The following ASIC2 variants were observed in gnomAD, a reference collection of about 807,000 sequenced individuals.
ASIC2 encodes acid-sensing ion channel 2.
A neutral mutation model predicts 57.3 loss-of-function variants in ASIC2; 25 were observed. That is an observed-to-expected ratio of 0.44 (90% CI 0.32 to 0.61). The LOEUF is 0.61. ASIC2 is among the 20% of genes least tolerant of loss of function. The probability of loss-of-function intolerance (pLI) is 0.06; values close to 1 mark genes in which losing one functional copy is unlikely to be tolerated. For synonymous variants in ASIC2, 319 were observed against 307.5 expected (o/e 1.04, Z -0.39); for missense variants, 641 against 738.1 (o/e 0.87, Z 1.52).
At position 33,917,100 on chromosome 17, in the gene ASIC2, C is replaced by T. The variant is rs542491515; in HGVS notation, c.555+238878G>A. Among the ~76,000 whole-genome samples the T allele has an allele frequency of 2.0e-5, 3 of 152,290 alleles. No individual in the cohort carries two copies. The East Asian group carries it at 5.8e-4, about 29-fold the overall frequency. On this transcript the variant is annotated intron_variant, in intron 1 of 9. Transcript: ENST00000359872. Reference sequence around the variant, plus strand: ...CTTGACTTGGGCTGTTTGCATCGCTCCTCCTGCCTTTCTAATCACATATTC... The same window carrying T: ...CTTGACTTGGGCTGTTTGCATCGCTTCTCCTGCCTTTCTAATCACATATTC...
chr17:33,952,392 G>A (rs999036853), intron 1 of ASIC2, among the ~76,000 whole-genome samples: 1 of 152,148 alleles, frequency 6.6e-6, no homozygotes, highest in Admixed American at 6.5e-5. Context: ...CCTAGGCAAG[G>A]TACTTCGCTG....
intron 3 of ASIC2, among the ~76,000 whole-genome samples, chr17:33,059,429 A>G (rs1380374115): frequency 6.6e-6 from 1 of 152,040 alleles, no homozygotes; most frequent in South Asian, 2.1e-4. Flanking sequence ...TTGTCCTTGC[A>G]ATAGTTTCCT....
chr17:33,638,139 T>C (rs1906431689), intron 1 of ASIC2, among the ~76,000 whole-genome samples: 1 of 152,162 alleles, frequency 6.6e-6, no homozygotes, highest in African/African-American at 2.4e-5. Context: ...ACAGGAGTAA[T>C]TGGAGAAGTT....
At chr17:33,666,589 G>T (rs1907480716) in intron 1 of ASIC2, among the ~76,000 whole-genome samples, 1 of 152,220 alleles carries the variant, frequency 6.6e-6, no homozygotes, top group Non-Finnish European at 1.5e-5. Context: ...AAGGCTTGAA[G>T]TGACTGGGGG....
At chr17:33,875,125 G>T (rs1048199042) in intron 1 of ASIC2, among the ~76,000 whole-genome samples, 1 of 152,214 alleles carries the variant, frequency 6.6e-6, no homozygotes, top group Non-Finnish European at 1.5e-5. Context: ...GAATGTCAGT[G>T]CTGTGGGGAG....
intron 1 of ASIC2, chr17:34,036,714 G>A (rs1394424258): frequency 1.0e-5 from 1 of 98,830 alleles, no homozygotes; most frequent in Admixed American, 1.4e-4. Flanking sequence ...TGCATGGACA[G>A]ATGAACCTTT....
chr17:33,192,671 A>G (rs183232651), intron 1 of ASIC2, among the ~76,000 whole-genome samples: 4 of 152,190 alleles, frequency 2.6e-5, no homozygotes, highest in East Asian at 3.9e-4. Context: ...TGTGTAGCAA[A>G]CTCATATTCC....
chr17:33,681,578 G>A (rs1054615954), intron 1 of ASIC2, among the ~76,000 whole-genome samples: 4 of 152,174 alleles, frequency 2.6e-5, no homozygotes, highest in African/African-American at 9.7e-5. Context: ...TTCCAATGAT[G>A]CCCAACTCCT....
intron 1 of ASIC2, among the ~76,000 whole-genome samples, chr17:34,148,875 C>G (rs1904393542): frequency 6.6e-6 from 1 of 152,026 alleles, no homozygotes; most frequent in African/African-American, 2.4e-5. Context: ...TCAAGACTAC[C>G]CAGGAGACTC....
chr17:33,377,490 T>C (rs1382426592), intron 1 of ASIC2, among the ~76,000 whole-genome samples: 1 of 152,264 alleles, frequency 6.6e-6, no homozygotes, highest in African/African-American at 2.4e-5. Flanking sequence ...CAATCTTTTA[T>C]GTCCAATTTC....
At chr17:33,898,220 CTTTTTTTTT>C (rs771624171) in intron 1 of ASIC2, among the ~76,000 whole-genome samples, 428 of 66,138 alleles carry the variant, frequency 6.5e-3, no homozygotes, top group Middle Eastern at 0.02. Flanking sequence ...CATGTATAAT[CTTTTTTTTT>C]TTTTTTTTTT....
intron 1 of ASIC2, among the ~76,000 whole-genome samples, chr17:33,273,135 A>G (rs1904572279): frequency 6.6e-6 from 1 of 152,208 alleles, no homozygotes; most frequent in African/African-American, 2.4e-5. Context: ...TATGACTGCT[A>G]AGGGGGAAAA....
At chr17:33,771,681 G>T (rs961185577) in intron 1 of ASIC2, among the ~76,000 whole-genome samples, 1 of 152,220 alleles carries the variant, frequency 6.6e-6, no homozygotes, top group African/African-American at 2.4e-5. Context: ...GGAGCTGTTG[G>T]TCAGATCAGC....
intron 7 of ASIC2, 54 bp downstream of exon 7, chr17:33,021,165 C>CACCA: frequency 1.5e-6 from 1 of 685,050 alleles, no homozygotes; most frequent in Non-Finnish European, 2.7e-6. Context: ...TGCATCCTCC[C>CACCA]TCCCTCCCAC....
chr17:33,350,711 G>T (rs1053117863), intron 1 of ASIC2, among the ~76,000 whole-genome samples: 2 of 151,672 alleles, frequency 1.3e-5, no homozygotes, highest in African/African-American at 4.8e-5. Flanking sequence ...AAGAAAGAAA[G>T]AAATATTTAA....
intron 1 of ASIC2, among the ~76,000 whole-genome samples, chr17:33,858,898 T>C (rs927297050): frequency 9.9e-5 from 15 of 152,100 alleles, no homozygotes; most frequent in Non-Finnish European, 2.1e-4. Flanking sequence ...GGCCCTTGAG[T>C]CCCTACTCAG....
At chr17:33,383,244 C>T (rs1696099006) in intron 1 of ASIC2, among the ~76,000 whole-genome samples, 1 of 152,160 alleles carries the variant, frequency 6.6e-6, no homozygotes, top group South Asian at 2.1e-4. Context: ...TGATTTTATA[C>T]CCTTTCCTTT....
chr17:33,969,868 C>G (rs560268916), intron 1 of ASIC2, among the ~76,000 whole-genome samples: 36 of 152,218 alleles, frequency 2.4e-4, no homozygotes, highest in African/African-American at 8.4e-4. Flanking sequence ...AGGTGAGGCA[C>G]CAACAGCACC....
intron 1 of ASIC2, among the ~76,000 whole-genome samples, chr17:34,082,996 CTTG>C (rs905944719): frequency 6.6e-6 from 1 of 150,778 alleles, no homozygotes; most frequent in African/African-American, 2.5e-5. Context: ...TTTATTTGTT[CTTG>C]TTTTTTTTTC....
Sources: gnomAD v4.1 joint callset for allele counts (sites outside exome capture counted in the v4.1 genomes callset) on GRCh38, gnomAD v4.1.1 for gene constraint, MANE v1.5 for transcripts, NCBI Gene and HGNC (gene_info 2026-07-23, HGNC 2026-07-21) for gene names.